Variants in SLC15A2 observed in about 807,000 individuals in gnomAD.
SLC15A2 encodes the protein solute carrier family 15 member 2.
In SLC15A2, 77 loss-of-function variants were observed where a neutral mutation model predicts 95.5. That is an observed-to-expected ratio of 0.81 (90% CI 0.67 to 0.97). SLC15A2 has a LOEUF of 0.97. Among genes scored for constraint, SLC15A2 ranks in the 50% least tolerant of loss-of-function variants. SLC15A2 has a pLI of 0.00. For missense variants in SLC15A2, 893 were observed against 874.4 expected (o/e 1.02, Z -0.27); for synonymous variants, 306 against 306.9 (o/e 1.00, Z 0.03).
intron 3 of SLC15A2, among the ~76,000 whole-genome samples, chr3:121,904,042 G>T (rs1238591871): frequency 2.0e-5 from 3 of 152,132 alleles, no homozygotes; most frequent in Non-Finnish European, 4.4e-5. Context: ...ATGGTTTGTA[G>T]TTCTCCTTGA....
At chr3:121,911,169 C>G (rs926558806) in intron 3 of SLC15A2, among the ~76,000 whole-genome samples, 2 of 152,180 alleles carry the variant, frequency 1.3e-5, no homozygotes, top group Non-Finnish European at 2.9e-5. Context: ...AGAAAAACAC[C>G]TAAGGTCCAA....
chr3:121,919,207 G>T (rs1709956950), intron 7 of SLC15A2, among the ~76,000 whole-genome samples: 1 of 152,152 alleles, frequency 6.6e-6, no homozygotes, highest in Non-Finnish European at 1.5e-5. Flanking sequence ...GTAGTCTAGC[G>T]AGCGGGAGCG....
intron 3 of SLC15A2, among the ~76,000 whole-genome samples, chr3:121,898,482 G>A (rs77858418): frequency 0.011 from 1,677 of 152,226 alleles, 27 homozygotes; most frequent in African/African-American, 0.038. Flanking sequence ...GAAATGGATC[G>A]TGGTTATCCC....
chr3:121,910,521 C>T (rs1044879338), intron 3 of SLC15A2, among the ~76,000 whole-genome samples: 3 of 152,150 alleles, frequency 2.0e-5, no homozygotes, highest in African/African-American at 4.8e-5. Context: ...CGCTACCCGC[C>T]ATACACTTTA....
At chr3:121,939,238 G>T in intron 19 of SLC15A2, 111 bp from the exon 20 acceptor site, 1 of 921,408 alleles carries the variant, frequency 1.1e-6, no homozygotes, top group Non-Finnish European at 1.5e-6. Flanking sequence ...CCTGAAAATG[G>T]CTGAAGAATG....
At position 121,904,776 on chromosome 3, in the gene SLC15A2, C is replaced by G. The variant is rs191455678; in HGVS notation, c.336-6798C>G. 8.8e-4 allele frequency among the ~76,000 whole-genome samples: 134 copies of G among 152,344 alleles called. 1 individual carries two copies. Among genetic ancestry groups the G allele is most frequent in the Non-Finnish European group, 1.4e-3 (96 of 68,028 alleles). ...GCCAGTATTTTATTGAGGATTTTCA[C>G]ATTGGTGTTCACCAGGGATACTGGT... On this transcript the variant is annotated intron_variant, in intron 3 of 21. Coordinates refer to ENST00000489711, the MANE Select transcript of SLC15A2 (RefSeq NM_021082.4).
intron 7 of SLC15A2, among the ~76,000 whole-genome samples, chr3:121,920,808 A>G (rs1709991609): frequency 6.6e-6 from 1 of 152,210 alleles, no homozygotes; most frequent in South Asian, 2.1e-4. Context: ...GAGAAAAGTA[A>G]AGTGATTTGT....
intron 19 of SLC15A2, among the ~76,000 whole-genome samples, chr3:121,935,954 G>GTT (rs1214116057): frequency 6.6e-6 from 1 of 151,934 alleles, no homozygotes; most frequent in African/African-American, 2.4e-5. Flanking sequence ...CAGAGATTCT[G>GTT]GTATGTTGTG....
chr3:121,923,812 A>G (rs996001249), intron 11 of SLC15A2, among the ~76,000 whole-genome samples: 1 of 152,174 alleles, frequency 6.6e-6, no homozygotes, highest in Non-Finnish European at 1.5e-5. Flanking sequence ...TTATTTTTCT[A>G]TCTTCTCAGT....
In SLC15A2 at chr3:121,940,459, G is replaced by A. The variant is rs779821968; in HGVS notation, c.1984G>A (p.Val662Ile). Reference sequence around the variant, plus strand: ...TGCAGTTGGGAATATCATCGTGCTTGTTGTGGCACAGTTCAGTGGCCTGGT... The same window carrying A: ...TGCAGTTGGGAATATCATCGTGCTTATTGTGGCACAGTTCAGTGGCCTGGT... ...TIAVGNIIVL[V>I]VAQFSGLVQW... Residue 662 changes from valine to isoleucine, a missense_variant, in exon 21 of 22, where the codon GTT becomes ATT. Val to Ile is a conservative substitution (Grantham distance 29). Transcript: ENST00000489711. 1.9e-6 allele frequency: 3 copies of A among 1,614,116 alleles called. No homozygotes were observed. The highest frequency in any genetic ancestry group is 2.5e-6 in the Non-Finnish European group (3 of 1,179,978).
intron 7 of SLC15A2, among the ~76,000 whole-genome samples, chr3:121,920,686 A>G (rs1240624404): frequency 2.6e-5 from 4 of 152,240 alleles, no homozygotes; most frequent in Non-Finnish European, 4.4e-5. Context: ...GAAGGGTATT[A>G]TAGATAAAGG....
At chr3:121,934,746 A>G (rs1710305064) in intron 19 of SLC15A2, among the ~76,000 whole-genome samples, 2 of 152,148 alleles carry the variant, frequency 1.3e-5, no homozygotes, top group African/African-American at 4.8e-5. Flanking sequence ...CTAATTGAAT[A>G]CCCTTTATTT....
intron 5 of SLC15A2, among the ~76,000 whole-genome samples, chr3:121,914,562 C>T (rs141176103): frequency 1.3e-5 from 2 of 152,312 alleles, no homozygotes; most frequent in African/African-American, 4.8e-5. Flanking sequence ...ATTCCTACCA[C>T]ACACTCCTAC....
intron 20 of SLC15A2, 120 bp downstream of exon 20, chr3:121,939,615 G>T (rs1164934329): frequency 4.0e-6 from 3 of 757,166 alleles, no homozygotes; most frequent in Non-Finnish European, 6.0e-6. Context: ...CCTTATTTAT[G>T]ACCCTGAACA....
intron 3 of SLC15A2, among the ~76,000 whole-genome samples, chr3:121,909,109 G>GGAGTACA (rs1298660451): frequency 1.3e-5 from 2 of 151,868 alleles, no homozygotes; most frequent in Non-Finnish European, 2.9e-5. Flanking sequence ...CTCCCAGTCT[G>GGAGTACA]GAGTACAGTG....
chr3:121,938,045 C>T (rs1710383070), intron 19 of SLC15A2, among the ~76,000 whole-genome samples: 1 of 151,666 alleles, frequency 6.6e-6, no homozygotes, highest in Non-Finnish European at 1.5e-5. Flanking sequence ...CAGTCTGCCC[C>T]TGCTGGGGGG....
intron 3 of SLC15A2, among the ~76,000 whole-genome samples, chr3:121,909,471 G>A (rs1052506299): frequency 2.6e-5 from 4 of 152,298 alleles, no homozygotes; most frequent in African/African-American, 9.6e-5. Context: ...GTGTGCTATG[G>A]TTGGGATTAC....
chr3:121,899,713 G>C (rs1309642024), intron 3 of SLC15A2, among the ~76,000 whole-genome samples: 2 of 152,072 alleles, frequency 1.3e-5, no homozygotes, highest in African/African-American at 2.4e-5. Flanking sequence ...GAACCATGGA[G>C]GATGAAGAGG....
intron 19 of SLC15A2, among the ~76,000 whole-genome samples, chr3:121,938,355 T>TC (rs1222658868): frequency 5.3e-5 from 8 of 152,000 alleles, no homozygotes; most frequent in African/African-American, 2.4e-5. Flanking sequence ...CGGGCGCCCC[T>TC]CCCCCAGCCT....
Sources: gnomAD v4.1 joint callset for allele counts (sites outside exome capture counted in the v4.1 genomes callset) on GRCh38, gnomAD v4.1.1 for gene constraint, MANE v1.5 for transcripts, NCBI Gene and HGNC (gene_info 2026-07-23, HGNC 2026-07-21) for gene names.